The following BIRC6 variants were observed in gnomAD, a reference collection of about 807,000 sequenced individuals.
BIRC6 encodes the protein baculoviral IAP repeat containing 6, also known as dual E2 ubiquitin-conjugating enzyme/E3 ubiquitin-protein ligase BIRC6.
In BIRC6, 98 loss-of-function variants were observed where a neutral mutation model predicts 503.3. That is an observed-to-expected ratio of 0.19 (90% CI 0.17 to 0.23). The LOEUF (loss-of-function observed/expected upper bound fraction) is 0.23, where lower values mean the gene tolerates loss of function less well. Ranked by LOEUF, BIRC6 falls within the 10% of genes least tolerant of loss-of-function variation. The pLI is 1.00. For missense variants in BIRC6, 5,360 were observed against 5,806.0 expected (o/e 0.92, Z 2.50); for synonymous variants, 2,240 against 2,078.7 (o/e 1.08, Z -2.11).
At chr2:32,369,651 C>T (rs1384204273) in intron 1 of BIRC6, among the ~76,000 whole-genome samples, 1 of 151,806 alleles carries the variant, frequency 6.6e-6, no homozygotes, top group Non-Finnish European at 1.5e-5. Context: ...TGGTCTCGAA[C>T]TCCTGACCTC....
intron 6 of BIRC6, among the ~76,000 whole-genome samples, chr2:32,396,872 C>T (rs987078868): frequency 2.0e-5 from 3 of 151,830 alleles, no homozygotes; most frequent in South Asian, 4.1e-4. Context: ...TACAGGTGTG[C>T]GTGGGCCACC....
At chr2:32,593,825 A>T in intron 66 of BIRC6, 90 bp from the exon 67 acceptor site, 1 of 1,128,940 alleles carries the variant, frequency 8.9e-7, no homozygotes. Flanking sequence ...AATGAAATGC[A>T]CACACTCATT....
At chr2:32,541,047 C>T (rs2057625427) in intron 61 of BIRC6, among the ~76,000 whole-genome samples, 1 of 151,932 alleles carries the variant, frequency 6.6e-6, no homozygotes, top group African/African-American at 2.4e-5. Context: ...TTTGATTTTG[C>T]TGTCTTTTTG....
chr2:32,590,670 T>C (rs1368979512), intron 66 of BIRC6: 1 of 455,856 alleles, frequency 2.2e-6, no homozygotes, highest in African/African-American at 2.1e-5. Flanking sequence ...CACATCCTAC[T>C]TCAGATATGT....
At chr2:32,469,333 G>C in intron 29 of BIRC6, 62 bp from the exon 30 acceptor site, 1 of 1,234,592 alleles carries the variant, frequency 8.1e-7, no homozygotes, top group Non-Finnish European at 1.1e-6. Flanking sequence ...TTAGGCATGC[G>C]TATTTTAATA....
chr2:32,439,191 GTGTGTA>G (rs1231711956), intron 15 of BIRC6, among the ~76,000 whole-genome samples: 2 of 141,726 alleles, frequency 1.4e-5, no homozygotes, highest in Admixed American at 6.9e-5. Context: ...GTGTGTGTGC[GTGTGTA>G]TGTGTGTGTG....
chr2:32,540,606 A>T (rs1272044501), intron 61 of BIRC6, among the ~76,000 whole-genome samples: 1 of 152,088 alleles, frequency 6.6e-6, no homozygotes, highest in South Asian at 2.1e-4. Flanking sequence ...AAAAAATTAA[A>T]TCCACTTAAT....
At chr2:32,458,677 T>C (rs1168356130) in intron 23 of BIRC6, among the ~76,000 whole-genome samples, 1 of 149,410 alleles carries the variant, frequency 6.7e-6, no homozygotes, top group African/African-American at 2.5e-5. Flanking sequence ...GTTAATACTC[T>C]ATTGCCTTTT....
intron 1 of BIRC6, among the ~76,000 whole-genome samples, chr2:32,359,504 T>C (rs1271406273): frequency 6.6e-6 from 1 of 152,208 alleles, no homozygotes. Flanking sequence ...AAGTAAAATG[T>C]AGCATTGATT....
intron 1 of BIRC6, among the ~76,000 whole-genome samples, chr2:32,364,018 G>A (rs2034512600): frequency 1.3e-5 from 2 of 152,150 alleles, no homozygotes; most frequent in Non-Finnish European, 1.5e-5. Flanking sequence ...TTAGTGTATT[G>A]GTGTGGCTAA....
intron 26 of BIRC6, among the ~76,000 whole-genome samples, chr2:32,466,974 C>T (rs1338464437): frequency 6.6e-6 from 1 of 152,012 alleles, no homozygotes; most frequent in African/African-American, 2.4e-5. Flanking sequence ...AAAAAATTAG[C>T]CGGGCATGGC....
rs1178409601 is a variant in BIRC6 at position 32,443,541 on chromosome 2, A to G, written c.4289A>G (p.Lys1430Arg). 8 of 1,609,688 alleles carry G rather than the reference A, an allele frequency of 5.0e-6. No individual in the cohort carries two copies. The East Asian group carries it at 1.3e-4, about 27-fold the overall frequency. The change falls in exon 20 of 74, where the codon AAG (lysine) becomes AGG (arginine). Residue 1430 changes from lysine to arginine, a missense_variant. Lys to Arg is a conservative substitution (Grantham distance 26). Coordinates refer to ENST00000421745, the MANE Select transcript of BIRC6 (RefSeq NM_016252.4). ...CCAGCATTTGGACCTGTTCTGTTGA[A>G]GGCTTTACTTGATAATATGTCATTT... is the stretch of plus-strand genomic sequence containing the variant. ...CQPAFGPVLL[K>R]ALLDNMSFLP...
At chr2:32,523,036 G>A (rs1304755742) in intron 57 of BIRC6, 1 of 152,120 alleles carries the variant, frequency 6.6e-6, no homozygotes, top group East Asian at 1.9e-4. Context: ...ACTTACCCAG[G>A]CATCACTGCC....
intron 1 of BIRC6, among the ~76,000 whole-genome samples, chr2:32,365,606 A>G (rs1231933993): frequency 6.6e-6 from 1 of 152,170 alleles, no homozygotes; most frequent in Non-Finnish European, 1.5e-5. Flanking sequence ...AGTGTGAGCC[A>G]CCGTGCCCGG....
rs559543896 is a variant in BIRC6, at chr2:32,473,684, C to G, written c.6720+445C>G. Among the ~76,000 whole-genome samples the G allele has an allele frequency of 1.4e-4, 19 of 135,706 alleles. No homozygotes were observed. The South Asian group carries it at 4.7e-3, about 33-fold the overall frequency. 89.0% of individuals were successfully genotyped at this position (135,706 alleles called of 152,430 possible). A position where few individuals can be genotyped will look rare whatever the true frequency, so the allele number is the denominator to read the frequency against. On this transcript the variant is annotated intron_variant, in intron 33 of 73. Transcript: ENST00000421745. ...CAGATTTTAATTTTGGTTTCTTTTT[C>G]CATGTCTTTTTTCTCCTTTTTCGTG...
intron 23 of BIRC6, among the ~76,000 whole-genome samples, chr2:32,462,345 A>G (rs1046730374): frequency 1.3e-5 from 2 of 152,360 alleles, no homozygotes; most frequent in Middle Eastern, 3.4e-3. Context: ...TAAATATTGG[A>G]AAACAATGCA....
intron 66 of BIRC6, among the ~76,000 whole-genome samples, chr2:32,589,921 T>C (rs2061299651): frequency 6.6e-6 from 1 of 152,248 alleles, no homozygotes; most frequent in South Asian, 2.1e-4. Flanking sequence ...CCTTCTTTCA[T>C]GCTCACTTAT....
rs1361924948 is a variant in BIRC6, at chr2:32,515,482, T to A, written c.11061T>A (p.Leu3687=). ...CAGCCGACCTAGTTGCTCCTATTCTTAGGTTTTTGACAGAAGTTGGCAATA... is the reference window on the plus strand; with the variant it reads ...CAGCCGACCTAGTTGCTCCTATTCTAAGGTTTTTGACAGAAGTTGGCAATA... The part of the protein sequence containing the change: ...PITADLVAPI[L]RFLTEVGNSH... The change falls in exon 55 of 74, where the codon CTT becomes CTA. Residue 3687 remains leucine (L), a synonymous_variant. Transcript: ENST00000421745. 9 of 1,613,786 alleles carry A rather than the reference T, an allele frequency of 5.6e-6. No individual in the cohort carries two copies. The highest frequency in any genetic ancestry group is 6.8e-6 in the Non-Finnish European group (8 of 1,179,886).
Position 32,439,507 on chromosome 2 carries a change from G to C in BIRC6, c.3632-1G>C, listed in dbSNP as rs372695880. ...TTCCCCATTCTACTCCACTTCTCTAGGTATGGCAGGAGGAAAATATCGTTC... is the reference window on the plus strand; with the variant it reads ...TTCCCCATTCTACTCCACTTCTCTACGTATGGCAGGAGGAAAATATCGTTC... On this transcript the variant is annotated splice_acceptor_variant, in intron 15 of 73. Coordinates refer to ENST00000421745, the MANE Select transcript of BIRC6 (RefSeq NM_016252.4). LOFTEE classifies it high-confidence loss of function. 5 of 1,612,526 alleles carry C rather than the reference G, an allele frequency of 3.1e-6. No homozygotes were observed. In the African/African-American group the frequency reaches 6.7e-5, roughly 22 times the overall value.
Sources: allele counts gnomAD v4.1 joint callset (sites outside exome capture counted in the v4.1 genomes callset), GRCh38; gene constraint gnomAD v4.1.1; transcripts MANE v1.5; gene names NCBI Gene and HGNC (gene_info 2026-07-23, HGNC 2026-07-21).